Variants in IRX5 observed in about 807,000 individuals in gnomAD.
The protein encoded by IRX5 is iroquois homeobox 5, also known as iroquois-class homeodomain protein IRX-5.
IRX5 carries 8 observed loss-of-function variants against 37.6 expected under a neutral mutation model. That is an observed-to-expected ratio of 0.21 (90% CI 0.12 to 0.38). IRX5 has a LOEUF of 0.38. IRX5 is among the 10% of genes least tolerant of loss of function. The pLI is 1.00. For synonymous variants in IRX5, 359 were observed against 328.6 expected (o/e 1.09, Z -1.00); for missense variants, 635 against 695.2 (o/e 0.91, Z 0.97).
Position 54,932,892 on chromosome 16 carries a change from G to A in IRX5, c.644G>A (p.Gly215Asp). Residue 215 changes from glycine to aspartate, a missense_variant, in exon 2 of 3, where the codon GGC becomes GAC. By Grantham distance (94) the Gly-to-Asp change is moderately conservative. Around this residue, in one of 5 missense-constraint regions of IRX5, gnomAD observed 244 missense variants for 205.4 expected, o/e 1.19. Transcript: ENST00000394636. This position sits in a 1 kb window ranked among gnomAD's most constrained non-coding sequence, Gnocchi z 6.7. ...CCCGAGGACAAGGGCGACCCCGAGG[G>A]CCCCGAAGCAGGTTGGTGGACATGG... is the stretch of plus-strand genomic sequence containing the variant. Reference protein sequence around the residue: ...QKPEDKGDPEGPEAGGAEQKA... With the variant: ...QKPEDKGDPEDPEAGGAEQKA... 2 of 1,610,120 alleles carry A rather than the reference G, an allele frequency of 1.2e-6. No homozygotes were observed. Among genetic ancestry groups the A allele is most frequent in the Non-Finnish European group, 1.7e-6 (2 of 1,177,922 alleles).
chr16:54,932,940 TAAA>T lies in IRX5; in HGVS notation c.655+40_655+42del. The T allele has an allele frequency of 6.3e-7, 1 of 1,582,974 alleles. No individual in the cohort carries two copies. The highest frequency in any genetic ancestry group is 8.6e-7 in the Non-Finnish European group (1 of 1,167,336). On this transcript the variant is annotated intron_variant, in intron 2 of 2. Coordinates refer to ENST00000394636, the MANE Select transcript of IRX5 (RefSeq NM_005853.6). This position sits in a 1 kb window ranked among gnomAD's most constrained non-coding sequence, Gnocchi z 6.7. ...TGGGAAAGGGCGTGTTGGGCGGGAG[TAAA>T]AAGGAAAAGAGAGGCCTGGAGGGGG...
rs184735203 is a variant in IRX5 at position 54,931,846 on chromosome 16, G to A, written c.249+399G>A. Among the ~76,000 whole-genome samples, 3 of 152,314 alleles carry A rather than the reference G, an allele frequency of 2.0e-5. No individual in the cohort carries two copies. In the East Asian group the frequency reaches 5.8e-4, roughly 29 times the overall value. ...GTGCTAAGTCTATGTAAATGTGTTTGGCCTAGCCTTTAATTAGTCCTCCAA... is the reference window on the plus strand; with the variant it reads ...GTGCTAAGTCTATGTAAATGTGTTTAGCCTAGCCTTTAATTAGTCCTCCAA... On this transcript the variant is annotated intron_variant, in intron 1 of 2. Coordinates refer to ENST00000394636, the MANE Select transcript of IRX5 (RefSeq NM_005853.6).
At position 54,932,213 on chromosome 16, in the gene IRX5, C is replaced by G; in HGVS notation, c.250-285C>G. 1.4e-6 allele frequency: 1 copy of G among 698,736 alleles called. No individual in the cohort carries two copies. Among genetic ancestry groups the G allele is most frequent in the South Asian group, 1.5e-5 (1 of 67,404 alleles). 43.3% of individuals were successfully genotyped at this position (698,736 alleles called of 1,614,324 possible). A position where few individuals can be genotyped will look rare whatever the true frequency, so the allele number is the denominator to read the frequency against. On this transcript the variant is annotated intron_variant, in intron 1 of 2. Transcript: ENST00000394636. This position sits in a 1 kb window ranked among gnomAD's most constrained non-coding sequence, Gnocchi z 6.7. The stretch of plus-strand genomic sequence containing the variant: ...CGTGGCCAGATCTGCGCACGGGGTA[C>G]GGACGTGCCCGGGCAGATGGGGGCC...
Position 54,932,944 on chromosome 16 carries a change from A to T in IRX5, c.655+41A>T, listed in dbSNP as rs2142354304. The T allele has an allele frequency of 6.3e-7, 1 of 1,587,368 alleles. No homozygotes were observed. The highest frequency in any genetic ancestry group is 1.1e-5 in the South Asian group (1 of 87,364). ...AAAGGGCGTGTTGGGCGGGAGTAAA[A>T]AGGAAAAGAGAGGCCTGGAGGGGGC... On this transcript the variant is annotated intron_variant, in intron 2 of 2. Transcript: ENST00000394636. This position sits in a 1 kb window ranked among gnomAD's most constrained non-coding sequence, Gnocchi z 6.7.
intron 1 of IRX5, chr16:54,931,973 G>A: frequency 3.1e-6 from 2 of 654,300 alleles, no homozygotes; most frequent in South Asian, 1.6e-5. Flanking sequence ...TTTCGGCCGG[G>A]TTGTAACTTC....
chr16:54,932,489 C>A lies in IRX5; in HGVS notation c.250-9C>A. The A allele has an allele frequency of 1.2e-6, 2 of 1,600,138 alleles. No individual in the cohort carries two copies. The highest frequency in any genetic ancestry group is 1.1e-5 in the South Asian group (1 of 89,298). On this transcript the variant is annotated splice_polypyrimidine_tract_variant and intron_variant, in intron 1 of 2. Coordinates refer to ENST00000394636, the MANE Select transcript of IRX5 (RefSeq NM_005853.6). This position sits in a 1 kb window ranked among gnomAD's most constrained non-coding sequence, Gnocchi z 6.7. Reference sequence around the variant, plus strand: ...GGTCCACACTCACCTCTCTGCGTCTCCACCGCAGGGCTCTCCCTACGACCA... The same window carrying A: ...GGTCCACACTCACCTCTCTGCGTCTACACCGCAGGGCTCTCCCTACGACCA...
At position 54,933,945 on chromosome 16, in the gene IRX5, C is replaced by CGA. The variant is rs758208902; in HGVS notation, c.*83_*84dup. 4.4e-5 allele frequency: 62 copies of CGA among 1,409,894 alleles called. No homozygotes were observed. Among genetic ancestry groups the CGA allele is most frequent in the Non-Finnish European group, 5.0e-5 (53 of 1,060,718 alleles). The allele number at this position is 1,409,894 out of a possible 1,614,324, so 87.3% of individuals were successfully genotyped here. A position where few individuals can be genotyped will look rare whatever the true frequency, so the allele number is the denominator to read the frequency against. On this transcript the variant is annotated 3_prime_UTR_variant, in exon 3 of 3. Coordinates refer to ENST00000394636, the MANE Select transcript of IRX5 (RefSeq NM_005853.6). ...GCCTTGGCAGTTATTTTTCCATCAC[C>CGA]GAGAGAGAGAGACAGAGAGAGAAAA...
At position 54,933,636 on chromosome 16, in the gene IRX5, C is replaced by T. The variant is rs758165744; in HGVS notation, c.1215C>T (p.Thr405=). 3 of 1,610,008 alleles carry T rather than the reference C, an allele frequency of 1.9e-6. No individual in the cohort carries two copies. Among genetic ancestry groups the T allele is most frequent in the African/African-American group, 2.7e-5 (2 of 74,846 alleles). ...TGCTGTCCCGGCCTCTCTACTACAC[C>T]GCGCCCTTCTATCCCGGCTACACGA... is the stretch of plus-strand genomic sequence containing the variant. ...GTVLSRPLYY[T]APFYPGYTNY... is the part of the protein sequence containing the mutation. Residue 405 remains threonine, a synonymous_variant, in exon 3 of 3, where the codon ACC becomes ACT. Coordinates refer to ENST00000394636, the MANE Select transcript of IRX5 (RefSeq NM_005853.6).
intron 2 of IRX5, 24 bp from the exon 3 acceptor site, chr16:54,933,053 T>C: frequency 6.2e-7 from 1 of 1,602,870 alleles, no homozygotes; most frequent in Non-Finnish European, 8.5e-7. Context: ...TCTGCGCCCC[T>C]GACAGCCTGG....
chr16:54,932,892 G>C lies in IRX5; in HGVS notation c.644G>C (p.Gly215Ala). ...CCCGAGGACAAGGGCGACCCCGAGG[G>C]CCCCGAAGCAGGTTGGTGGACATGG... ...QKPEDKGDPE[G>A]PEAGGAEQKA... Residue 215 changes from glycine to alanine, a missense_variant, in exon 2 of 3, where the codon GGC becomes GCC. This residue lies in a region of IRX5 where 244 missense variants were observed against 205.4 expected (regional missense o/e 1.19). Coordinates refer to ENST00000394636, the MANE Select transcript of IRX5 (RefSeq NM_005853.6). This position sits in a 1 kb window ranked among gnomAD's most constrained non-coding sequence, Gnocchi z 6.7. 6.2e-7 allele frequency: 1 copy of C among 1,610,120 alleles called. No homozygotes were observed. The highest frequency in any genetic ancestry group is 8.5e-7 in the Non-Finnish European group (1 of 1,177,922).
rs1963924862 is a variant in IRX5 at position 54,933,243 on chromosome 16, C to T, written c.822C>T (p.Ser274=). The T allele has an allele frequency of 1.4e-6, 2 of 1,408,572 alleles. No individual in the cohort carries two copies. The highest frequency in any genetic ancestry group is 1.8e-6 in the Non-Finnish European group (2 of 1,090,044). 87.3% of individuals were successfully genotyped at this position (1,408,572 alleles called of 1,614,324 possible). A position where few individuals can be genotyped will look rare whatever the true frequency, so the allele number is the denominator to read the frequency against. ...LQGPPRTGGP[S]PAGPAAARLA... ...GCCCCCCCCGCACCGGCGGGCCCTC[C>T]CCGGCTGGGCCAGCGGCGGCGCGGC... Residue 274 remains serine (S), a synonymous_variant, in exon 3 of 3, where the codon TCC becomes TCT. Transcript: ENST00000394636.
chr16:54,931,231 G>A lies in IRX5; in HGVS notation c.33G>A (p.Pro11=). 1.9e-6 allele frequency: 3 copies of A among 1,611,234 alleles called. No individual in the cohort carries two copies. Among genetic ancestry groups the A allele is most frequent in the South Asian group, 1.1e-5 (1 of 90,840 alleles). ...ATCCGCAGGGCTACTTGTACCAGCC[G>A]TCCGCCTCGCTGGCGCTCTACTCGT... The part of the protein sequence containing the change: MSYPQGYLYQ[P]SASLALYSCP... The change falls in exon 1 of 3, where the codon CCG becomes CCA. Residue 11 remains proline (P), a synonymous_variant. Coordinates refer to ENST00000394636, the MANE Select transcript of IRX5 (RefSeq NM_005853.6).
At position 54,932,316 on chromosome 16, in the gene IRX5, T is replaced by A. The variant is rs2142353331; in HGVS notation, c.250-182T>A. The A allele has an allele frequency of 1.4e-6, 1 of 711,840 alleles. No homozygotes were observed. Among genetic ancestry groups the A allele is most frequent in the Middle Eastern group, 3.7e-4 (1 of 2,678 alleles). 44.1% of individuals were successfully genotyped at this position (711,840 alleles called of 1,614,324 possible). On this transcript the variant is annotated intron_variant, in intron 1 of 2. Coordinates refer to ENST00000394636, the MANE Select transcript of IRX5 (RefSeq NM_005853.6). This position sits in a 1 kb window ranked among gnomAD's most constrained non-coding sequence, Gnocchi z 6.7. ...CCCAGAAATTGAGGTCCCCGCTGCC[T>A]TCTGAGGAGGGGGAGGAGTTGCTCC...
chr16:54,931,852 G>A (rs1345808827), intron 1 of IRX5, among the ~76,000 whole-genome samples: 1 of 152,212 alleles, frequency 6.6e-6, no homozygotes, highest in Non-Finnish European at 1.5e-5. Flanking sequence ...GTTTGGCCTA[G>A]CCTTTAATTA....
rs541291414 is a variant in IRX5, at chr16:54,932,096, C to A, written c.250-402C>A. 7.1e-6 allele frequency: 5 copies of A among 702,816 alleles called. No homozygotes were observed. The highest frequency in any genetic ancestry group is 2.0e-5 in the Admixed American group (1 of 50,014). 43.5% of individuals were successfully genotyped at this position (702,816 alleles called of 1,614,324 possible). On this transcript the variant is annotated intron_variant, in intron 1 of 2. Transcript: ENST00000394636. The surrounding 1 kb of genome is among the most constrained non-coding windows in gnomAD (Gnocchi z 6.7). ...AAAGAGCCTTGACTTCCCTTGTTTT[C>A]CCCCCTTGCGCCCAACGTGCGTCCG...
chr16:54,933,245 C>G lies in IRX5; in HGVS notation c.824C>G (p.Pro275Arg), dbSNP rs1464914551. 3.9e-5 allele frequency: 55 copies of G among 1,408,156 alleles called. No individual in the cohort carries two copies. The highest frequency in any genetic ancestry group is 4.7e-5 in the Non-Finnish European group (51 of 1,089,830). 87.2% of individuals were successfully genotyped at this position (1,408,156 alleles called of 1,614,324 possible). Residue 275 changes from proline to arginine, a missense_variant, in exon 3 of 3, where the codon CCG (proline) becomes CGG (arginine). Coordinates refer to ENST00000394636, the MANE Select transcript of IRX5 (RefSeq NM_005853.6). ...QGPPRTGGPS[P>R]AGPAAARLAE... ...CCCCCCCGCACCGGCGGGCCCTCCC[C>G]GGCTGGGCCAGCGGCGGCGCGGCTG...
chr16:54,933,660 G>T lies in IRX5; in HGVS notation c.1239G>T (p.Thr413=). 1 of 1,611,940 alleles carries T rather than the reference G, an allele frequency of 6.2e-7. No individual in the cohort carries two copies. The highest frequency in any genetic ancestry group is 8.5e-7 in the Non-Finnish European group (1 of 1,178,446). Residue 413 remains threonine (T), a synonymous_variant, in exon 3 of 3, where the codon ACG becomes ACT. Transcript: ENST00000394636. The stretch of plus-strand genomic sequence containing the variant: ...CCGCGCCCTTCTATCCCGGCTACAC[G>T]AACTATGGCTCCTTCGGACACCTTC... The part of the protein sequence containing the change: ...YYTAPFYPGY[T]NYGSFGHLHG...
chr16:54,933,790 C>T lies in IRX5; in HGVS notation c.1369C>T (p.Pro457Ser). The stretch of plus-strand genomic sequence containing the variant: ...CCGAGCGGACGCTTTGGCTAAAGAC[C>T]CGAAAATGTTGCGGAGCCAGTCTCA... ...LNRADALAKD[P>S]KMLRSQSQLD... The change falls in exon 3 of 3, where the codon CCG (proline) becomes TCG (serine). Residue 457 changes from proline to serine, a missense_variant. Transcript: ENST00000394636. The T allele has an allele frequency of 6.2e-7, 1 of 1,614,016 alleles. No homozygotes were observed. Among genetic ancestry groups the T allele is most frequent in the Non-Finnish European group, 8.5e-7 (1 of 1,179,990 alleles).
Position 54,933,719 on chromosome 16 carries a change from C to A in IRX5, c.1298C>A (p.Thr433Asn). 1 of 1,613,976 alleles carries A rather than the reference C, an allele frequency of 6.2e-7. No individual in the cohort carries two copies. The highest frequency in any genetic ancestry group is 8.5e-7 in the Non-Finnish European group (1 of 1,179,992). The change falls in exon 3 of 3, where the codon ACC becomes AAC. Residue 433 changes from threonine to asparagine, a missense_variant. Coordinates refer to ENST00000394636, the MANE Select transcript of IRX5 (RefSeq NM_005853.6). ...CCGGGGCCCGGGCCAGGCCCCACAA[C>A]CGGTCCGGGGTCTCATTTCAATGGA... ...GHPGPGPGPT[T>N]GPGSHFNGLN...
Sources: gnomAD v4.1 joint callset for allele counts (sites outside exome capture counted in the v4.1 genomes callset) on GRCh38, gnomAD v4.1.1 for gene constraint, gnomAD v4.1.1 regional missense constraint, Gnocchi (gnomAD v3.1) non-coding constraint, MANE v1.5 for transcripts, NCBI Gene and HGNC (gene_info 2026-07-23, HGNC 2026-07-21) for gene names.